Variants in NDFIP2 observed in about 807,000 individuals in gnomAD.
The protein encoded by NDFIP2 is Nedd4 family interacting protein 2.
NDFIP2 carries 19 observed loss-of-function variants against 36.0 expected under a neutral mutation model. The ratio of observed to expected loss-of-function variants is 0.53; its 90% CI spans 0.37 to 0.77. The LOEUF (loss-of-function observed/expected upper bound fraction) is 0.77, where lower values mean the gene tolerates loss of function less well. Ranked by LOEUF, NDFIP2 falls within the 30% of genes least tolerant of loss-of-function variation. The probability of loss-of-function intolerance (pLI) is 0.00; values close to 1 mark genes in which losing one functional copy is unlikely to be tolerated. For missense variants in NDFIP2, 446 were observed against 435.8 expected (o/e 1.02, Z -0.21); for synonymous variants, 181 against 167.7 (o/e 1.08, Z -0.61).
At chr13:79,522,801 C>G (rs1326250249) in intron 2 of NDFIP2, among the ~76,000 whole-genome samples, 4 of 152,170 alleles carry the variant, frequency 2.6e-5, no homozygotes, top group African/African-American at 9.7e-5. Context: ...GATGGAAGCT[C>G]TATCACCTGT....
At chr13:79,492,908 G>C (rs2140735543) in intron 1 of NDFIP2, among the ~76,000 whole-genome samples, 1 of 151,958 alleles carries the variant, frequency 6.6e-6, no homozygotes. Context: ...CCTTCTTCCA[G>C]GACTAATTTC....
intron 1 of NDFIP2, among the ~76,000 whole-genome samples, chr13:79,488,465 G>C (rs76134224): frequency 0.018 from 2,724 of 152,180 alleles, 85 homozygotes; most frequent in African/African-American, 0.062. Context: ...GCACATTTGA[G>C]CAGTACATGA....
At chr13:79,536,457 G>C (rs1875242056) in intron 3 of NDFIP2, among the ~76,000 whole-genome samples, 2 of 152,122 alleles carry the variant, frequency 1.3e-5, no homozygotes, top group Non-Finnish European at 2.9e-5. Flanking sequence ...AATAGAAAGA[G>C]GAAAACACCA....
chr13:79,501,428 C>G (rs1484369172), intron 1 of NDFIP2, among the ~76,000 whole-genome samples: 1 of 151,968 alleles, frequency 6.6e-6, no homozygotes, highest in East Asian at 1.9e-4. Context: ...TGGGAAAGCT[C>G]TGTACCTTAT....
chr13:79,515,234 A>G (rs935565915), intron 1 of NDFIP2, among the ~76,000 whole-genome samples: 1 of 152,242 alleles, frequency 6.6e-6, no homozygotes, highest in East Asian at 1.9e-4. Flanking sequence ...TTATGAGGCC[A>G]CTATCTTATA....
intron 1 of NDFIP2, among the ~76,000 whole-genome samples, chr13:79,497,798 GTGT>G (rs767339432): frequency 1.1e-4 from 13 of 119,724 alleles, no homozygotes; most frequent in Non-Finnish European, 1.4e-4. Context: ...TGTGGGGGGT[GTGT>G]GTGTGTGTGT....
At chr13:79,495,731 T>A (rs895660750) in intron 1 of NDFIP2, among the ~76,000 whole-genome samples, 1 of 151,870 alleles carries the variant, frequency 6.6e-6, no homozygotes, top group African/African-American at 2.4e-5. Context: ...TCTACTGTTA[T>A]ATTGTTTTTT....
chr13:79,548,540 T>G, intron 6 of NDFIP2, 146 bp downstream of exon 6: 1 of 658,686 alleles, frequency 1.5e-6, no homozygotes, highest in African/African-American at 1.8e-5. Context: ...GTTTTTAAAC[T>G]ATTCTATATA....
Position 79,481,326 on chromosome 13 carries a change from G to C in NDFIP2, c.123G>C (p.Ala41=). The C allele has an allele frequency of 6.5e-7, 1 of 1,545,268 alleles. No individual in the cohort carries two copies. Among genetic ancestry groups the C allele is most frequent in the Non-Finnish European group, 8.7e-7 (1 of 1,146,900 alleles). The part of the protein sequence containing the change: ...ATNAEVSAAA[A]GATGSEELPP... ...ACGCGGAGGTCTCGGCGGCCGCTGC[G>C]GGAGCCACAGGAAGTGAAGAGCTTC... The change falls in exon 1 of 8, where the codon GCG becomes GCC. Residue 41 remains alanine (A), a synonymous_variant. Transcript: ENST00000218652.
chr13:79,505,283 T>C (rs936483947), intron 1 of NDFIP2, among the ~76,000 whole-genome samples: 3 of 152,176 alleles, frequency 2.0e-5, no homozygotes, highest in Non-Finnish European at 2.9e-5. Flanking sequence ...GTTGGAACTT[T>C]GGTGGCATGT....
Position 79,548,404 on chromosome 13 carries a change from T to A in NDFIP2, c.907+10T>A. The A allele has an allele frequency of 6.4e-7, 1 of 1,561,080 alleles. No individual in the cohort carries two copies. Among genetic ancestry groups the A allele is most frequent in the Non-Finnish European group, 8.8e-7 (1 of 1,138,128 alleles). On this transcript the variant is annotated intron_variant, in intron 6 of 7. Coordinates refer to ENST00000218652, the MANE Select transcript of NDFIP2 (RefSeq NM_019080.3). ...ATATTTCTTGTACTTGGTAAGTTTATTCTTAATGCATTTAGTTTAACTTGG... is the reference window on the plus strand; with the variant it reads ...ATATTTCTTGTACTTGGTAAGTTTAATCTTAATGCATTTAGTTTAACTTGG...
intron 5 of NDFIP2, among the ~76,000 whole-genome samples, chr13:79,544,882 T>C (rs1297845050): frequency 6.6e-6 from 1 of 152,182 alleles, no homozygotes; most frequent in Non-Finnish European, 1.5e-5. Flanking sequence ...TAATTCTTGG[T>C]TGGGACCTAT....
rs547969766 is a variant in NDFIP2, at chr13:79,488,217, A to C, written c.321+6693A>C. Among the ~76,000 whole-genome samples the C allele has an allele frequency of 1.3e-5, 2 of 152,282 alleles. 1 individual carries two copies. The highest frequency in any genetic ancestry group is 4.1e-4 in the South Asian group (2 of 4,828). On this transcript the variant is annotated intron_variant, in intron 1 of 7. Transcript: ENST00000218652. Reference sequence around the variant, plus strand: ...ACACCAAGTTGTATACCAATACTCAAATGTGTTATATACCAAGTTGTTGCT... The same window carrying C: ...ACACCAAGTTGTATACCAATACTCACATGTGTTATATACCAAGTTGTTGCT...
At chr13:79,499,870 T>C (rs2140742971) in intron 1 of NDFIP2, among the ~76,000 whole-genome samples, 1 of 152,090 alleles carries the variant, frequency 6.6e-6, no homozygotes, top group South Asian at 2.1e-4. Context: ...GCACAAATTC[T>C]ATAATTTATA....
intron 1 of NDFIP2, among the ~76,000 whole-genome samples, chr13:79,500,608 A>G (rs754345004): frequency 2.6e-5 from 4 of 152,032 alleles, no homozygotes; most frequent in African/African-American, 9.7e-5. Context: ...GGTTAAAACA[A>G]CTAGTTACCA....
chr13:79,493,737 A>C (rs889657721), intron 1 of NDFIP2, among the ~76,000 whole-genome samples: 5 of 152,172 alleles, frequency 3.3e-5, no homozygotes, highest in African/African-American at 1.2e-4. Flanking sequence ...TATTTATGGC[A>C]ATGCCAGACA....
rs1242697894 is a variant in NDFIP2, at chr13:79,514,025, C to T, written c.322-6785C>T. Among the ~76,000 whole-genome samples, 14 of 152,286 alleles carry T rather than the reference C, an allele frequency of 9.2e-5. No homozygotes were observed. In the East Asian group the frequency reaches 2.5e-3, roughly 27 times the overall value. On this transcript the variant is annotated intron_variant, in intron 1 of 7. Coordinates refer to ENST00000218652, the MANE Select transcript of NDFIP2 (RefSeq NM_019080.3). ...GTATATTTATGTTGCAGTTTTAACA[C>T]ATGAAAAGGAATTTGACCAGAGTTG...
intron 1 of NDFIP2, among the ~76,000 whole-genome samples, chr13:79,495,720 G>A (rs999191408): frequency 3.3e-5 from 5 of 151,674 alleles, no homozygotes; most frequent in East Asian, 1.9e-4. Context: ...GTTGGTTTAC[G>A]TCTACTGTTA....
At chr13:79,498,302 A>G (rs1377702415) in intron 1 of NDFIP2, among the ~76,000 whole-genome samples, 1 of 151,964 alleles carries the variant, frequency 6.6e-6, no homozygotes, top group Non-Finnish European at 1.5e-5. Flanking sequence ...GTTTTCTTTA[A>G]AAACCTCAGT....
Sources: allele counts gnomAD v4.1 joint callset (sites outside exome capture counted in the v4.1 genomes callset), GRCh38; gene constraint gnomAD v4.1.1; transcripts MANE v1.5; gene names NCBI Gene and HGNC (gene_info 2026-07-23, HGNC 2026-07-21).